Variants in SGCZ observed in about 807,000 individuals in gnomAD.
The protein encoded by SGCZ is zeta-sarcoglycan.
A neutral mutation model predicts 41.3 loss-of-function variants in SGCZ; 40 were observed. The ratio of observed to expected loss-of-function variants is 0.97; its 90% CI spans 0.75 to 1.26. The LOEUF is 1.26. Ranked by LOEUF, SGCZ falls within the 50% of genes most tolerant of loss-of-function variation. The pLI is 0.00. For synonymous variants in SGCZ, 206 were observed against 137.5 expected (o/e 1.50, Z -3.49); for missense variants, 552 against 369.8 (o/e 1.49, Z -4.04).
chr8:14,140,367 A>C (rs1166125699), intron 5 of SGCZ, among the ~76,000 whole-genome samples: 2 of 152,204 alleles, frequency 1.3e-5, no homozygotes, highest in Non-Finnish European at 2.9e-5. Context: ...TTAGGAAAAG[A>C]GGAAGTCAAA....
chr8:14,669,282 C>A (rs911392292), intron 1 of SGCZ, among the ~76,000 whole-genome samples: 4 of 151,544 alleles, frequency 2.6e-5, no homozygotes, highest in Non-Finnish European at 5.9e-5. Flanking sequence ...TCGCTTGAGT[C>A]CAGGAGGCCT....
At position 14,832,113 on chromosome 8, in the gene SGCZ, C is replaced by A. The variant is rs369328965; in HGVS notation, c.40-277187G>T. 8.5e-5 allele frequency among the ~76,000 whole-genome samples: 13 copies of A among 152,256 alleles called. No homozygotes were observed. In the East Asian group the frequency reaches 2.3e-3, roughly 27 times the overall value. ...AACTATGTTGAAATAGCAATGCCTTCTTAAGTCACTATTGAAGTGCATAAT... is the reference window on the plus strand; with the variant it reads ...AACTATGTTGAAATAGCAATGCCTTATTAAGTCACTATTGAAGTGCATAAT... On this transcript the variant is annotated intron_variant, in intron 1 of 7. Transcript: ENST00000382080.
At chr8:15,063,978 G>A (rs369284580) in intron 1 of SGCZ, among the ~76,000 whole-genome samples, 13 of 152,116 alleles carry the variant, frequency 8.5e-5, no homozygotes, top group East Asian at 1.9e-4. Flanking sequence ...CTGTTATTCC[G>A]ATATTTTATT....
chr8:14,624,301 A>G lies in SGCZ; in HGVS notation c.40-69375T>C, dbSNP rs543571156. ...CCCAATAACAATGTTTATAATGCCA[A>G]GAAAGTGATGTCTTTATGGTTCTAA... On this transcript the variant is annotated intron_variant, in intron 1 of 7. Coordinates refer to ENST00000382080, the MANE Select transcript of SGCZ (RefSeq NM_139167.4). Among the ~76,000 whole-genome samples, 14 of 152,244 alleles carry G rather than the reference A, an allele frequency of 9.2e-5. No homozygotes were observed. The East Asian group carries it at 1.7e-3, about 19-fold the overall frequency.
In SGCZ at chr8:14,538,950, G is replaced by T. The variant is rs559504698; in HGVS notation, c.234+15782C>A. On this transcript the variant is annotated intron_variant, in intron 2 of 7. Transcript: ENST00000382080. ...ACGTGATGGTTAATTTCATGTGTCA[G>T]CTTGGCTGGGCCAAAGTACCCAGAT... Among the ~76,000 whole-genome samples the T allele has an allele frequency of 2.0e-5, 3 of 152,080 alleles. No homozygotes were observed. The South Asian group carries it at 6.2e-4, about 32-fold the overall frequency.
chr8:14,264,999 A>G (rs1232089491), intron 3 of SGCZ, among the ~76,000 whole-genome samples: 1 of 152,114 alleles, frequency 6.6e-6, no homozygotes, highest in Non-Finnish European at 1.5e-5. Context: ...AAAAAAACAA[A>G]AAAACACGCC....
chr8:14,454,002 T>A (rs866944292), intron 2 of SGCZ, among the ~76,000 whole-genome samples: 10 of 151,040 alleles, frequency 6.6e-5, no homozygotes, highest in African/African-American at 1.2e-4. Context: ...AAAAAAAAAA[T>A]AATTGTTTTT....
intron 1 of SGCZ, among the ~76,000 whole-genome samples, chr8:14,880,818 G>C (rs1804558723): frequency 6.6e-6 from 1 of 152,110 alleles, no homozygotes; most frequent in Admixed American, 6.5e-5. Context: ...TCAGGGGATG[G>C]GGGTGGGATA....
chr8:14,818,209 C>G (rs553855909), intron 1 of SGCZ, among the ~76,000 whole-genome samples: 2 of 152,126 alleles, frequency 1.3e-5, no homozygotes, highest in South Asian at 4.1e-4. Flanking sequence ...TGTCAACAGC[C>G]ACTGCCTCCC....
intron 2 of SGCZ, among the ~76,000 whole-genome samples, chr8:14,501,333 T>TTCC (rs1802146872): frequency 6.6e-6 from 1 of 152,008 alleles, no homozygotes; most frequent in Non-Finnish European, 1.5e-5. Flanking sequence ...GCAGCATCAT[T>TTCC]TCCCTTTCGC....
At chr8:14,977,681 C>T (rs1585430716) in intron 1 of SGCZ, among the ~76,000 whole-genome samples, 1 of 151,922 alleles carries the variant, frequency 6.6e-6, no homozygotes, top group African/African-American at 2.4e-5. Flanking sequence ...CAAAGAAAAG[C>T]CCAAAGTTTT....
intron 2 of SGCZ, among the ~76,000 whole-genome samples, chr8:14,380,259 C>A (rs543135409): frequency 2.6e-5 from 4 of 152,138 alleles, no homozygotes; most frequent in Admixed American, 1.3e-4. Flanking sequence ...CAGACACTGT[C>A]ACATCCATTG....
At chr8:14,708,254 T>C (rs888005990) in intron 1 of SGCZ, among the ~76,000 whole-genome samples, 1 of 152,042 alleles carries the variant, frequency 6.6e-6, no homozygotes, top group Non-Finnish European at 1.5e-5. Context: ...GTACATTCAA[T>C]TTCTTCACGT....
At chr8:14,836,528 T>TAAAACAAAA (rs1242838477) in intron 1 of SGCZ, among the ~76,000 whole-genome samples, 21 of 152,210 alleles carry the variant, frequency 1.4e-4, no homozygotes, top group Non-Finnish European at 2.9e-4. Context: ...AGACGGGGTC[T>TAAAACAAAA]CACTCTGTTG....
At chr8:14,522,207 G>A (rs1165641782) in intron 2 of SGCZ, among the ~76,000 whole-genome samples, 6 of 151,812 alleles carry the variant, frequency 4.0e-5, no homozygotes, top group African/African-American at 1.2e-4. Context: ...ATTCTATAAG[G>A]GATATTGGTT....
chr8:14,620,989 C>T (rs1806265485), intron 1 of SGCZ, among the ~76,000 whole-genome samples: 1 of 152,092 alleles, frequency 6.6e-6, no homozygotes, highest in Middle Eastern at 3.4e-3. Flanking sequence ...CACATGCATG[C>T]ATATGTTTAT....
chr8:14,896,299 G>A (rs1805196426), intron 1 of SGCZ, among the ~76,000 whole-genome samples: 1 of 152,088 alleles, frequency 6.6e-6, no homozygotes, highest in Non-Finnish European at 1.5e-5. Flanking sequence ...GGGGAAAGAA[G>A]GTGTGCAAGA....
intron 1 of SGCZ, among the ~76,000 whole-genome samples, chr8:14,923,448 T>G (rs1451117484): frequency 1.3e-5 from 2 of 152,170 alleles, no homozygotes; most frequent in African/African-American, 4.8e-5. Context: ...ATGGTATCAG[T>G]TAACTGAACT....
intron 1 of SGCZ, among the ~76,000 whole-genome samples, chr8:15,052,206 G>C (rs1194823750): frequency 6.6e-6 from 1 of 152,192 alleles, no homozygotes; most frequent in African/African-American, 2.4e-5. Context: ...TTGGAGCTGA[G>C]ACAGTTACCC....
Sources: gnomAD v4.1 joint callset for allele counts (sites outside exome capture counted in the v4.1 genomes callset) on GRCh38, gnomAD v4.1.1 for gene constraint, MANE v1.5 for transcripts, NCBI Gene and HGNC (gene_info 2026-07-23, HGNC 2026-07-21) for gene names.